The following PAPPA variants were observed in gnomAD, a reference collection of about 807,000 sequenced individuals.
PAPPA encodes the protein pappalysin 1.
Under a neutral mutation model 164.0 loss-of-function variants are expected in PAPPA, and 60 were observed. The ratio of observed to expected loss-of-function variants is 0.37; its 90% confidence interval spans 0.30 to 0.45. PAPPA has a LOEUF of 0.45. Ranked by LOEUF, PAPPA falls within the 20% of genes least tolerant of loss-of-function variation. The pLI, the probability that PAPPA is intolerant of heterozygous loss-of-function variation, is 1.00. For synonymous variants in PAPPA, 875 were observed against 814.1 expected (o/e 1.07, Z -1.27); for missense variants, 1,782 against 2,087.3 (o/e 0.85, Z 2.85).
chr9:116,314,725 G>T (rs940798299), intron 10 of PAPPA, among the ~76,000 whole-genome samples: 3 of 152,122 alleles, frequency 2.0e-5, no homozygotes, highest in Non-Finnish European at 4.4e-5. Context: ...CTCCTGCCTG[G>T]AAACACCATC....
chr9:116,190,689 G>A (rs528479718), intron 2 of PAPPA, among the ~76,000 whole-genome samples: 1 of 152,354 alleles, frequency 6.6e-6, no homozygotes, highest in South Asian at 2.1e-4. Context: ...CTGGTGTGGA[G>A]GGGCCATGGG....
chr9:116,391,058 G>GA (rs1391126404), intron 21 of PAPPA, among the ~76,000 whole-genome samples: 1 of 152,142 alleles, frequency 6.6e-6, no homozygotes, highest in East Asian at 1.9e-4. Context: ...TAGCATACAC[G>GA]AAAGTCAGCA....
At chr9:116,197,453 C>G (rs892253401) in intron 2 of PAPPA, among the ~76,000 whole-genome samples, 2 of 152,220 alleles carry the variant, frequency 1.3e-5, no homozygotes, top group South Asian at 4.1e-4. Context: ...CAAGTCCCAG[C>G]AGTGGCCTTG....
chr9:116,381,693 CACTT>C (rs2118698978), intron 20 of PAPPA, among the ~76,000 whole-genome samples: 1 of 152,316 alleles, frequency 6.6e-6, no homozygotes, highest in South Asian at 2.1e-4. Context: ...AGATTTAAAT[CACTT>C]ACTCTGACTG....
At position 116,347,552 on chromosome 9, in the gene PAPPA, G is replaced by A. The variant is rs1305295190; in HGVS notation, c.3964+343G>A. On this transcript the variant is annotated intron_variant, in intron 15 of 21. Coordinates refer to ENST00000328252, the MANE Select transcript of PAPPA (RefSeq NM_002581.5). This position sits in a 1 kb window ranked among gnomAD's most constrained non-coding sequence, Gnocchi z 4.5. ...GGGACTGATGAAACTAATTCACTCT[G>A]TATGATTAGGGCCAGTAAGCCTTAT... Among the ~76,000 whole-genome samples the A allele has an allele frequency of 2.0e-5, 3 of 152,146 alleles. No individual in the cohort carries two copies. Among genetic ancestry groups the A allele is most frequent in the Non-Finnish European group, 4.4e-5 (3 of 68,016 alleles).
At chr9:116,376,066 G>C (rs1846646761) in intron 19 of PAPPA, among the ~76,000 whole-genome samples, 1 of 149,708 alleles carries the variant, frequency 6.7e-6, no homozygotes, top group Non-Finnish European at 1.5e-5. Flanking sequence ...CTGTCGCCAG[G>C]CTAGAGTGCA....
intron 2 of PAPPA, among the ~76,000 whole-genome samples, chr9:116,203,870 A>G (rs1165328117): frequency 6.6e-6 from 1 of 152,158 alleles, no homozygotes; most frequent in African/African-American, 2.4e-5. Context: ...AGGGAAACTA[A>G]TGGGCATTCT....
Position 116,165,434 on chromosome 9 carries a change from A to G in PAPPA, c.415+10847A>G, listed in dbSNP as rs374194644. Among the ~76,000 whole-genome samples, 4 of 152,296 alleles carry G rather than the reference A, an allele frequency of 2.6e-5. No individual in the cohort carries two copies. The South Asian group carries it at 6.2e-4, about 24-fold the overall frequency. On this transcript the variant is annotated intron_variant, in intron 1 of 21. Transcript: ENST00000328252. ...TACATTACATCATCTACCATATTCA[A>G]TCAGTCATCAACTCCTGACTCTCCT... is the stretch of plus-strand genomic sequence containing the variant.
chr9:116,205,444 A>G (rs1844223418), intron 2 of PAPPA, among the ~76,000 whole-genome samples: 2 of 152,202 alleles, frequency 1.3e-5, no homozygotes, highest in African/African-American at 4.8e-5. Context: ...ATGGAAATGA[A>G]CAAATCAATT....
At chr9:116,268,497 A>G (rs7854428) in intron 8 of PAPPA, among the ~76,000 whole-genome samples, 58,751 of 151,830 alleles carry the variant, frequency 0.39, 11,571 homozygotes, top group East Asian at 0.68. Context: ...ACTGGTGATA[A>G]CTCATAATTG....
intron 3 of PAPPA, among the ~76,000 whole-genome samples, chr9:116,209,869 G>A (rs1487051650): frequency 1.3e-5 from 2 of 152,130 alleles, no homozygotes; most frequent in South Asian, 2.1e-4. Context: ...CAGTCACAAG[G>A]CCAGTGTGAA....
At chr9:116,263,156 C>T (rs1845023242) in intron 7 of PAPPA, among the ~76,000 whole-genome samples, 1 of 152,066 alleles carries the variant, frequency 6.6e-6, no homozygotes, top group Non-Finnish European at 1.5e-5. Context: ...ATATGAACCA[C>T]ACACACACAG....
intron 10 of PAPPA, among the ~76,000 whole-genome samples, chr9:116,315,473 T>C (rs1564222144): frequency 6.6e-6 from 1 of 152,216 alleles, no homozygotes; most frequent in East Asian, 1.9e-4. Context: ...GATAAATAAA[T>C]GTTTTTTTCT....
chr9:116,235,191 A>T lies in PAPPA; in HGVS notation c.2286A>T (p.Pro762=), dbSNP rs1400246022. 2 of 1,614,130 alleles carry T rather than the reference A, an allele frequency of 1.2e-6. No individual in the cohort carries two copies. Among genetic ancestry groups the T allele is most frequent in the Admixed American group, 3.3e-5 (2 of 60,024 alleles). Residue 762 remains proline (P), a synonymous_variant, in exon 7 of 22, where the codon CCA becomes CCT. Transcript: ENST00000328252. ...PCKSSVRTWS[P]NSAVNPHTVP... ...AGTCCAGTGTCCGCACCTGGAGCCC[A>T]AATTCAGCTGTCAACCCACACACGG... is the stretch of plus-strand genomic sequence containing the variant.
intron 13 of PAPPA, among the ~76,000 whole-genome samples, chr9:116,341,332 A>G (rs1846134615): frequency 6.6e-6 from 1 of 151,930 alleles, no homozygotes; most frequent in Admixed American, 6.6e-5. Context: ...GAGCCACCAC[A>G]CCCGACCTCA....
intron 7 of PAPPA, among the ~76,000 whole-genome samples, chr9:116,249,075 A>G (rs1488639142): frequency 1.3e-5 from 2 of 152,216 alleles, no homozygotes; most frequent in Admixed American, 1.3e-4. Context: ...TGTCTGTGTA[A>G]CAGGTCCTAT....
chr9:116,219,046 C>G (rs1211060049), intron 4 of PAPPA, among the ~76,000 whole-genome samples: 1 of 152,350 alleles, frequency 6.6e-6, no homozygotes, highest in Non-Finnish European at 1.5e-5. Context: ...GGCCTGTGCT[C>G]TCTGCCTAAG....
At chr9:116,225,439 T>G (rs1450456260) in intron 5 of PAPPA, among the ~76,000 whole-genome samples, 1 of 152,254 alleles carries the variant, frequency 6.6e-6, no homozygotes, top group East Asian at 1.9e-4. Flanking sequence ...TCATCCTATA[T>G]TCCATTGCCC....
chr9:116,190,073 C>T (rs918939067), intron 2 of PAPPA, among the ~76,000 whole-genome samples: 13 of 152,304 alleles, frequency 8.5e-5, no homozygotes, highest in African/African-American at 3.1e-4. Context: ...CTTTCCAAAA[C>T]TTGGCAAGGG....
Sources: gnomAD v4.1 joint callset for allele counts (sites outside exome capture counted in the v4.1 genomes callset) on GRCh38, gnomAD v4.1.1 for gene constraint, Gnocchi (gnomAD v3.1) non-coding constraint, MANE v1.5 for transcripts, NCBI Gene and HGNC (gene_info 2026-07-23, HGNC 2026-07-21) for gene names.